Variants in ESR2 observed in about 807,000 individuals in gnomAD.
The protein encoded by ESR2 is estrogen receptor 2, also known as estrogen receptor beta.
In ESR2, 36 loss-of-function variants were observed where a neutral mutation model predicts 49.6. The observed-to-expected ratio is 0.73, with a 90% CI of 0.56 to 0.96. ESR2 has a LOEUF of 0.96. Among genes scored for constraint, ESR2 ranks in the 40% least tolerant of loss-of-function variants. ESR2 has a pLI of 0.00. For missense variants in ESR2, 714 were observed against 693.0 expected (o/e 1.03, Z -0.34); for synonymous variants, 320 against 266.1 (o/e 1.20, Z -1.97).
At chr14:64,244,193 G>A (rs1282399625) in intron 7 of ESR2, among the ~76,000 whole-genome samples, 1 of 152,140 alleles carries the variant, frequency 6.6e-6, no homozygotes, top group African/African-American at 2.4e-5. Context: ...GAGGTCAGGA[G>A]TTCGAGACCA....
intron 7 of ESR2, among the ~76,000 whole-genome samples, chr14:64,240,321 G>T (rs186725057): frequency 6.6e-6 from 1 of 152,300 alleles, no homozygotes; most frequent in South Asian, 2.1e-4. Flanking sequence ...CAAATGCAGC[G>T]CTTGGAAACT....
At chr14:64,263,081 C>T (rs989318065) in intron 4 of ESR2, among the ~76,000 whole-genome samples, 7 of 152,010 alleles carry the variant, frequency 4.6e-5, no homozygotes, top group African/African-American at 1.7e-4. Context: ...TATCAGTTAT[C>T]ACAATAAACA....
At chr14:64,334,732 T>C (rs928175714) in intron 1 of ESR2, among the ~76,000 whole-genome samples, 3 of 152,244 alleles carry the variant, frequency 2.0e-5, no homozygotes, top group African/African-American at 7.2e-5. Context: ...CTGCAACTTC[T>C]GCCTCCTGGG....
chr14:64,307,679 C>T (rs1303550006), intron 1 of ESR2, among the ~76,000 whole-genome samples: 3 of 151,964 alleles, frequency 2.0e-5, no homozygotes, highest in Admixed American at 6.6e-5. Context: ...GGACTACAGG[C>T]GCCCACCACC....
intron 8 of ESR2, chr14:64,234,141 A>G (rs1209849009): frequency 1.3e-5 from 2 of 152,278 alleles, no homozygotes; most frequent in African/African-American, 4.8e-5. Flanking sequence ...GAAGGAATCT[A>G]CAAACACAGG....
At chr14:64,269,518 T>A (rs1469604348) in intron 3 of ESR2, among the ~76,000 whole-genome samples, 1 of 152,230 alleles carries the variant, frequency 6.6e-6, no homozygotes, top group Admixed American at 6.5e-5. Flanking sequence ...TACCAGTTGA[T>A]GTTGGGCTTG....
At chr14:64,245,766 T>C (rs1200905849) in intron 7 of ESR2, among the ~76,000 whole-genome samples, 2 of 152,138 alleles carry the variant, frequency 1.3e-5, no homozygotes, top group Non-Finnish European at 2.9e-5. Context: ...ATAAGGAGCC[T>C]TGCCAAACAG....
chr14:64,234,199 G>A (rs918588166), intron 8 of ESR2: 2 of 152,226 alleles, frequency 1.3e-5, no homozygotes, highest in African/African-American at 4.8e-5. Flanking sequence ...AAAGGGGAAA[G>A]GCAGAGGTCT....
In ESR2 at chr14:64,277,746, T is replaced by C. The variant is rs561377160; in HGVS notation, c.535+2235A>G. Among the ~76,000 whole-genome samples the C allele has an allele frequency of 1.2e-3, 187 of 152,114 alleles. 4 individuals are homozygous for C. In the South Asian group the frequency reaches 0.037, roughly 30 times the overall value. ...ACTTTCAGTTACTGTAATGCACTTA[T>C]ATCAAAGACAGGAAGCATGCAAAGA... On this transcript the variant is annotated intron_variant, in intron 3 of 8. Transcript: ENST00000341099.
intron 1 of ESR2, among the ~76,000 whole-genome samples, chr14:64,323,272 A>T (rs1446849497): frequency 6.6e-6 from 1 of 152,058 alleles, no homozygotes; most frequent in East Asian, 1.9e-4. Flanking sequence ...CAGTGGTGCA[A>T]TCTTGGCTCA....
chr14:64,252,891 C>G (rs371477753), intron 6 of ESR2, among the ~76,000 whole-genome samples: 33 of 152,226 alleles, frequency 2.2e-4, no homozygotes, highest in African/African-American at 7.7e-4. Flanking sequence ...GGTCTCACCC[C>G]GATGCCCAGA....
At chr14:64,308,592 T>C (rs1372784479) in intron 1 of ESR2, among the ~76,000 whole-genome samples, 3 of 152,314 alleles carry the variant, frequency 2.0e-5, no homozygotes, top group East Asian at 3.9e-4. Context: ...AAAAATAGTA[T>C]GGCCTATTTT....
At chr14:64,265,203 G>GAGC (rs2076303841) in intron 4 of ESR2, among the ~76,000 whole-genome samples, 2 of 152,276 alleles carry the variant, frequency 1.3e-5, no homozygotes, top group South Asian at 4.2e-4. Context: ...TGAGCTTAAT[G>GAGC]AGCAGCTCCA....
At chr14:64,249,033 G>A (rs903106876) in intron 7 of ESR2, among the ~76,000 whole-genome samples, 12 of 152,092 alleles carry the variant, frequency 7.9e-5, no homozygotes, top group African/African-American at 2.7e-4. Context: ...AACAACTCCA[G>A]CATCTCTCCT....
rs151012840 is a variant in ESR2, at chr14:64,280,021, C to T, written c.495G>A (p.Ser165=). Residue 165 remains serine, a synonymous_variant, in exon 3 of 9, where the codon TCG becomes TCA. Transcript: ENST00000341099. The stretch of plus-strand genomic sequence containing the variant: ...TAAAAAAGGCCTTACATCCTTCACA[C>T]GACCAGACTCCATAGTGATATCCCG... The part of the protein sequence containing the change: ...YASGYHYGVW[S]CEGCKAFFKR... The T allele has an allele frequency of 8.1e-5, 130 of 1,614,072 alleles. No homozygotes were observed. The highest frequency in any genetic ancestry group is 1.6e-4 in the Middle Eastern group (1 of 6,084).
intron 3 of ESR2, among the ~76,000 whole-genome samples, chr14:64,277,246 G>A (rs953030100): frequency 6.6e-6 from 1 of 152,150 alleles, no homozygotes; most frequent in Non-Finnish European, 1.5e-5. Flanking sequence ...CAGTGCATTT[G>A]TACAGTGAAG....
At chr14:64,235,331 G>A (rs183161659) in intron 7 of ESR2, among the ~76,000 whole-genome samples, 181 bp from the exon 8 acceptor site, 21 of 152,330 alleles carry the variant, frequency 1.4e-4, no homozygotes, top group East Asian at 1.2e-3. Flanking sequence ...AGCCAGCCCC[G>A]TCACAGAGCT....
At chr14:64,326,488 G>A (rs1366417810) in intron 1 of ESR2, among the ~76,000 whole-genome samples, 1 of 151,924 alleles carries the variant, frequency 6.6e-6, no homozygotes, top group Non-Finnish European at 1.5e-5. Flanking sequence ...TTTTTTTGAT[G>A]TAGAAAGTGG....
In ESR2 at chr14:64,282,851, G is replaced by A. The variant is rs1167099262; in HGVS notation, c.135C>T (p.Ala45=). ...SYVDSHHEYP[A]MTFYSPAVMN... is the part of the protein sequence containing the mutation. ...TCACAGCAGGGCTATAGAATGTCATGGCTGGATATTCATGGTGGCTGTCTA... is the reference window on the plus strand; with the variant it reads ...TCACAGCAGGGCTATAGAATGTCATAGCTGGATATTCATGGTGGCTGTCTA... The change falls in exon 2 of 9, where the codon GCC becomes GCT. Residue 45 remains alanine, a synonymous_variant. Transcript: ENST00000341099. 5 of 1,614,234 alleles carry A rather than the reference G, an allele frequency of 3.1e-6. No homozygotes were observed. The South Asian group carries it at 3.3e-5, about 11-fold the overall frequency.
Sources: gnomAD v4.1 joint callset for allele counts (sites outside exome capture counted in the v4.1 genomes callset) on GRCh38, gnomAD v4.1.1 for gene constraint, MANE v1.5 for transcripts, NCBI Gene and HGNC (gene_info 2026-07-23, HGNC 2026-07-21) for gene names.